Variants in PLCL1 observed in about 807,000 individuals in gnomAD.
PLCL1 encodes the protein phospholipase C like 1 (inactive), also known as inactive phospholipase C-like protein 1.
In PLCL1, 41 loss-of-function variants were observed where a neutral mutation model predicts 84.4. That is an observed-to-expected ratio of 0.49 (90% CI 0.38 to 0.63). PLCL1 has a LOEUF of 0.63. Ranked by LOEUF, PLCL1 falls within the 30% of genes least tolerant of loss-of-function variation. The pLI is 0.00. For missense variants in PLCL1, 1,206 were observed against 1,367.8 expected (o/e 0.88, Z 1.87); for synonymous variants, 490 against 488.3 (o/e 1.00, Z -0.05).
chr2:198,002,248 T>C (rs1013045273), intron 1 of PLCL1, among the ~76,000 whole-genome samples: 2 of 152,124 alleles, frequency 1.3e-5, no homozygotes, highest in African/African-American at 4.8e-5. Context: ...TTGTGGGTTG[T>C]TTCTAATTTT....
At chr2:197,817,908 G>A (rs1338602815) in intron 1 of PLCL1, among the ~76,000 whole-genome samples, 1 of 151,922 alleles carries the variant, frequency 6.6e-6, no homozygotes, top group Non-Finnish European at 1.5e-5. Context: ...GATGGTCTTT[G>A]GTTTTTTTGG....
intron 3 of PLCL1, among the ~76,000 whole-genome samples, chr2:198,094,500 C>T (rs1282435403): frequency 7.5e-6 from 1 of 134,066 alleles, no homozygotes; most frequent in East Asian, 2.0e-4. Flanking sequence ...AGGGAAGGCA[C>T]ACTCTCCCCT....
rs1692190102 is a variant in PLCL1, at chr2:198,061,155, T to C, written c.241-22603T>C. On this transcript the variant is annotated intron_variant, in intron 1 of 5. Coordinates refer to ENST00000428675, the MANE Select transcript of PLCL1 (RefSeq NM_006226.4). ...AAAAAAAGATTACAGATAATTATAA[T>C]TAGGAACTCAGTGTGTGGGAGTGAA... Among the ~76,000 whole-genome samples, 2 of 152,140 alleles carry C rather than the reference T, an allele frequency of 1.3e-5. 1 individual carries two copies. Among genetic ancestry groups the C allele is most frequent in the African/African-American group, 4.8e-5 (2 of 41,418 alleles).
intron 1 of PLCL1, among the ~76,000 whole-genome samples, chr2:197,857,213 T>C (rs1013830158): frequency 3.3e-5 from 5 of 151,790 alleles, no homozygotes; most frequent in Non-Finnish European, 7.4e-5. Flanking sequence ...AGAAAGTCAA[T>C]ATATTGACAG....
intron 1 of PLCL1, among the ~76,000 whole-genome samples, chr2:197,919,647 A>C (rs1463784365): frequency 1.3e-5 from 2 of 152,226 alleles, no homozygotes; most frequent in African/African-American, 4.8e-5. Flanking sequence ...ATCACCAATG[A>C]TACAAGAGAG....
Position 197,945,250 on chromosome 2 carries a change from C to T in PLCL1, c.241-138508C>T, listed in dbSNP as rs182414618. ...GGCAGGATTTTGAACTTAAAAGATG[C>T]GGGGAGAATGTGGGTTGGTCTAGAG... On this transcript the variant is annotated intron_variant, in intron 1 of 5. Transcript: ENST00000428675. Among the ~76,000 whole-genome samples the T allele has an allele frequency of 4.4e-3, 667 of 152,104 alleles. 2 individuals carry two copies. Among genetic ancestry groups the T allele is most frequent in the Admixed American group, 8.4e-3 (129 of 15,282 alleles).
At chr2:197,903,467 AATTTTTTTTTTT>A (rs1688309387) in intron 1 of PLCL1, among the ~76,000 whole-genome samples, 1 of 80,650 alleles carries the variant, frequency 1.2e-5, no homozygotes, top group Admixed American at 1.4e-4. Context: ...ACTCCATTTA[AATTTTTTTTTTT>A]TTTTTTTTTT....
At chr2:197,865,908 G>C (rs1687520533) in intron 1 of PLCL1, among the ~76,000 whole-genome samples, 2 of 148,198 alleles carry the variant, frequency 1.3e-5, no homozygotes, top group African/African-American at 5.0e-5. Flanking sequence ...AGCTACTCAG[G>C]AGGCTGAGGC....
At chr2:198,122,815 A>AC (rs1693898696) in intron 5 of PLCL1, among the ~76,000 whole-genome samples, 1 of 152,140 alleles carries the variant, frequency 6.6e-6, no homozygotes, top group Admixed American at 6.5e-5. Flanking sequence ...GTTATAAAAT[A>AC]TGTATTCTCT....
chr2:197,930,381 A>C (rs1020321203), intron 1 of PLCL1, among the ~76,000 whole-genome samples: 2 of 152,222 alleles, frequency 1.3e-5, no homozygotes, highest in African/African-American at 4.8e-5. Context: ...GACTGAACTC[A>C]AATTCAGATG....
At chr2:197,840,169 T>C (rs1686968552) in intron 1 of PLCL1, among the ~76,000 whole-genome samples, 2 of 152,198 alleles carry the variant, frequency 1.3e-5, no homozygotes, top group South Asian at 2.1e-4. Flanking sequence ...ATTTCCTTAT[T>C]TCACCCTGAA....
chr2:197,921,876 T>C (rs1688704243), intron 1 of PLCL1, among the ~76,000 whole-genome samples: 1 of 152,176 alleles, frequency 6.6e-6, no homozygotes, highest in Admixed American at 6.5e-5. Flanking sequence ...TGTGTTATTA[T>C]CTTTATATTT....
chr2:198,132,500 T>A (rs1245977029), intron 5 of PLCL1, among the ~76,000 whole-genome samples: 3 of 152,048 alleles, frequency 2.0e-5, no homozygotes, highest in Admixed American at 2.0e-4. Context: ...AAATCTCAAC[T>A]ACTGACATAT....
At chr2:198,112,037 A>G (rs1277664220) in intron 5 of PLCL1, among the ~76,000 whole-genome samples, 1 of 151,902 alleles carries the variant, frequency 6.6e-6, no homozygotes, top group Admixed American at 6.6e-5. Context: ...ACAACACTAT[A>G]TTTACAAAAC....
intron 1 of PLCL1, among the ~76,000 whole-genome samples, chr2:198,076,526 T>C (rs1167310442): frequency 6.6e-6 from 1 of 152,246 alleles, no homozygotes; most frequent in African/African-American, 2.4e-5. Context: ...GCTTTTTTTA[T>C]TGATCATAAA....
intron 1 of PLCL1, among the ~76,000 whole-genome samples, chr2:197,988,828 A>G (rs1020473682): frequency 5.9e-5 from 9 of 152,184 alleles, no homozygotes; most frequent in African/African-American, 1.7e-4. Flanking sequence ...GTACTAATTT[A>G]TGTTCCCACC....
chr2:198,014,011 C>G (rs1413813879), intron 1 of PLCL1, among the ~76,000 whole-genome samples: 2 of 152,034 alleles, frequency 1.3e-5, no homozygotes, highest in African/African-American at 4.8e-5. Flanking sequence ...CTGTTTCAAC[C>G]TGTGTGTCAT....
intron 5 of PLCL1, among the ~76,000 whole-genome samples, chr2:198,106,754 A>G (rs1693483328): frequency 6.6e-6 from 1 of 151,900 alleles, no homozygotes; most frequent in Non-Finnish European, 1.5e-5. Flanking sequence ...TACTTTATGT[A>G]CATTTCCCCT....
intron 1 of PLCL1, among the ~76,000 whole-genome samples, chr2:197,950,901 C>T (rs1275678391): frequency 2.0e-5 from 3 of 152,034 alleles, no homozygotes; most frequent in Non-Finnish European, 4.4e-5. Context: ...TTATCTGAGG[C>T]CAGAATTAGA....
Sources: allele counts gnomAD v4.1 joint callset (sites outside exome capture counted in the v4.1 genomes callset), GRCh38; gene constraint gnomAD v4.1.1; transcripts MANE v1.5; gene names NCBI Gene and HGNC (gene_info 2026-07-23, HGNC 2026-07-21).